The following MGAT4C variants were observed in gnomAD, a reference collection of about 807,000 sequenced individuals.
MGAT4C encodes the protein alpha-1,3-mannosyl-glycoprotein 4-beta-N-acetylglucosaminyltransferase C.
Under a neutral mutation model 40.1 loss-of-function variants are expected in MGAT4C, and 19 were observed. The ratio of observed to expected loss-of-function variants is 0.47; its 90% confidence interval spans 0.33 to 0.70. MGAT4C has a LOEUF of 0.70. Among genes scored for constraint, MGAT4C ranks in the 30% least tolerant of loss-of-function variants. MGAT4C has a pLI of 0.02. For missense variants in MGAT4C, 491 were observed against 563.2 expected, an observed-to-expected ratio of 0.87 and a Z score of 1.30; for synonymous variants, 181 against 187.1, an observed-to-expected ratio of 0.97 and a Z score of 0.27.
chr12:86,791,774 TAC>T (rs2136193526), intron 1 of MGAT4C, among the ~76,000 whole-genome samples: 1 of 152,298 alleles, frequency 6.6e-6, no homozygotes, highest in East Asian at 1.9e-4. Flanking sequence ...GAGGAAATTT[TAC>T]AGAGTGCTCT....
intron 2 of MGAT4C, among the ~76,000 whole-genome samples, chr12:86,676,811 A>G (rs907745785): frequency 7.0e-4 from 106 of 152,298 alleles, no homozygotes; most frequent in African/African-American, 2.4e-3. Flanking sequence ...GGCAGAGCAT[A>G]TAAGTATGGT....
At chr12:86,405,968 CA>C (rs1956462647) in intron 3 of MGAT4C, among the ~76,000 whole-genome samples, 1 of 65,952 alleles carries the variant, frequency 1.5e-5, no homozygotes, top group Non-Finnish European at 3.0e-5. Context: ...TTATATTATA[CA>C]TATATATATA....
At chr12:86,229,766 A>G (rs989922514) in intron 1 of MGAT4C, among the ~76,000 whole-genome samples, 2 of 152,074 alleles carry the variant, frequency 1.3e-5, no homozygotes, top group Non-Finnish European at 2.9e-5. Flanking sequence ...TTCATGGTGA[A>G]TGTGATGACG....
At chr12:86,217,467 A>G (rs1349726615) in intron 1 of MGAT4C, among the ~76,000 whole-genome samples, 1 of 152,160 alleles carries the variant, frequency 6.6e-6, no homozygotes. Flanking sequence ...CTTATCACAA[A>G]GAGAGGCTAA....
intron 2 of MGAT4C, among the ~76,000 whole-genome samples, chr12:86,694,749 A>G (rs376392950): frequency 1.3e-5 from 2 of 152,192 alleles, no homozygotes; most frequent in South Asian, 4.1e-4. Context: ...ACCATGTACA[A>G]AAATCAAATA....
intron 2 of MGAT4C, among the ~76,000 whole-genome samples, chr12:86,548,858 TTTTA>T (rs1426662874): frequency 1.3e-5 from 2 of 152,222 alleles, no homozygotes; most frequent in Non-Finnish European, 2.9e-5. Flanking sequence ...AATCAATGTG[TTTTA>T]TTTATTATTT....
intron 1 of MGAT4C, among the ~76,000 whole-genome samples, chr12:86,133,614 T>G (rs1405466068): frequency 6.6e-6 from 1 of 152,174 alleles, no homozygotes; most frequent in Non-Finnish European, 1.5e-5. Flanking sequence ...CTACACTTAT[T>G]ATAATGCAGG....
Position 86,537,138 on chromosome 12 carries a change from G to A in MGAT4C, c.-228-101873C>T, listed in dbSNP as rs565786190. Among the ~76,000 whole-genome samples the A allele has an allele frequency of 1.4e-4, 21 of 151,870 alleles. No individual in the cohort carries two copies. In the East Asian group the frequency reaches 2.5e-3, roughly 18 times the overall value. On this transcript the variant is annotated intron_variant, in intron 2 of 7. Coordinates refer to the MGAT4C transcript ENST00000548651. Reference sequence around the variant, plus strand: ...TCGCAAGGACAAAAAACCAAACACCGCATGTTCTCACTCATAGGTGGGAAT... The same window carrying A: ...TCGCAAGGACAAAAAACCAAACACCACATGTTCTCACTCATAGGTGGGAAT...
At chr12:86,050,299 CTG>C (rs1157561426) in intron 1 of MGAT4C, among the ~76,000 whole-genome samples, 1 of 151,928 alleles carries the variant, frequency 6.6e-6, no homozygotes, top group Non-Finnish European at 1.5e-5. Flanking sequence ...GTCTGCCAGA[CTG>C]TGTTAACAAG....
chr12:86,242,817 AACAC>A (rs1363838411), intron 1 of MGAT4C, among the ~76,000 whole-genome samples: 1 of 152,066 alleles, frequency 6.6e-6, no homozygotes, highest in Non-Finnish European at 1.5e-5. Flanking sequence ...GTACACATAC[AACAC>A]ACACCTCCCA....
At chr12:86,212,455 A>G (rs956942786) in intron 1 of MGAT4C, among the ~76,000 whole-genome samples, 1 of 152,196 alleles carries the variant, frequency 6.6e-6, no homozygotes, top group African/African-American at 2.4e-5. Context: ...TTAAAAATGG[A>G]GGCAGCAGAA....
chr12:86,587,234 C>G (rs1400481494), intron 2 of MGAT4C, among the ~76,000 whole-genome samples: 145 of 151,732 alleles, frequency 9.6e-4, no homozygotes, highest in African/African-American at 3.2e-3. Flanking sequence ...GCTTGTTTTT[C>G]TCAGGTTTGT....
rs577341342 is a variant in MGAT4C, at chr12:86,708,667, G to C, written c.-229+18542C>G. 5.3e-5 allele frequency among the ~76,000 whole-genome samples: 8 copies of C among 152,312 alleles called. No individual in the cohort carries two copies. The East Asian group carries it at 1.2e-3, about 22-fold the overall frequency. ...CAGGGTTGAAGCTGCCCAAGACCAT[G>C]GGAACTAAGCTCTTGCATCAGCATG... is the stretch of plus-strand genomic sequence containing the variant. On this transcript the variant is annotated intron_variant, in intron 2 of 7. Transcript: ENST00000548651.
intron 1 of MGAT4C, among the ~76,000 whole-genome samples, chr12:86,104,250 C>T (rs568053389): frequency 1.5e-4 from 21 of 142,694 alleles, no homozygotes; most frequent in Non-Finnish European, 2.9e-4. Context: ...TGCAAAACTC[C>T]GTCTCTACTT....
intron 3 of MGAT4C, among the ~76,000 whole-genome samples, chr12:85,988,345 C>G (rs1885482375): frequency 6.6e-6 from 1 of 152,066 alleles, no homozygotes. Flanking sequence ...CAACTAAAAT[C>G]ATATGGTTGA....
At chr12:86,482,582 CTTAT>C (rs1219245414) in intron 2 of MGAT4C, among the ~76,000 whole-genome samples, 1 of 151,894 alleles carries the variant, frequency 6.6e-6, no homozygotes, top group Non-Finnish European at 1.5e-5. Flanking sequence ...GAATTCCAAC[CTTAT>C]TTATTCTCGA....
intron 1 of MGAT4C, among the ~76,000 whole-genome samples, chr12:86,150,814 C>A (rs140964114): frequency 6.6e-6 from 1 of 152,148 alleles, no homozygotes; most frequent in African/African-American, 2.4e-5. Context: ...CAAGAGAAAC[C>A]AACAGAAGTC....
intron 2 of MGAT4C, among the ~76,000 whole-genome samples, chr12:86,635,681 G>A (rs1384367540): frequency 6.6e-6 from 1 of 151,280 alleles, no homozygotes; most frequent in Non-Finnish European, 1.5e-5. Flanking sequence ...GTGTGTGTGT[G>A]TATGTATGTT....
rs930520983 is a variant in MGAT4C, at chr12:86,777,142, A to T, written c.-261-49901T>A. 2.0e-5 allele frequency among the ~76,000 whole-genome samples: 3 copies of T among 152,248 alleles called. No homozygotes were observed. In the East Asian group the frequency reaches 5.8e-4, roughly 29 times the overall value. Reference sequence around the variant, plus strand: ...TTAGTGATATAGCCCATTCTTTTAAATTTTTTTAATGTATTTTTTAAATCA... The same window carrying T: ...TTAGTGATATAGCCCATTCTTTTAATTTTTTTTAATGTATTTTTTAAATCA... On this transcript the variant is annotated intron_variant, in intron 1 of 7. Transcript: ENST00000548651.
Sources: allele counts gnomAD v4.1 joint callset (sites outside exome capture counted in the v4.1 genomes callset), GRCh38; gene constraint gnomAD v4.1.1; transcripts MANE v1.5; gene names NCBI Gene and HGNC (gene_info 2026-07-23, HGNC 2026-07-21).